ROR2: variants seen among roughly 807,000 people sequenced by gnomAD.
ROR2 encodes the protein ROR family WNT receptor 2.
Under a neutral mutation model 74.9 loss-of-function variants are expected in ROR2, and 33 were observed. The ratio of observed to expected loss-of-function variants is 0.44; its 90% CI spans 0.33 to 0.59. The LOEUF (loss-of-function observed/expected upper bound fraction) is 0.59, where lower values mean the gene tolerates loss of function less well. Among genes scored for constraint, ROR2 ranks in the 20% least tolerant of loss-of-function variants. ROR2 has a pLI of 0.02. For synonymous variants in ROR2, 586 were observed against 558.7 expected, an observed-to-expected ratio of 1.05 and a Z score of -0.69; for missense variants, 1,216 against 1,313.8, an observed-to-expected ratio of 0.93 and a Z score of 1.15.
intron 1 of ROR2, among the ~76,000 whole-genome samples, chr9:91,810,471 C>T (rs906757560): frequency 4.6e-5 from 7 of 152,098 alleles, no homozygotes; most frequent in Non-Finnish European, 1.0e-4. Context: ...TTGTAAGACA[C>T]GATCATCTAC....
intron 1 of ROR2, among the ~76,000 whole-genome samples, chr9:91,949,243 G>A (rs1247356880): frequency 6.6e-6 from 1 of 151,852 alleles, no homozygotes; most frequent in Non-Finnish European, 1.5e-5. Context: ...GGGGAGAGGA[G>A]GTTTCAGGGA....
At chr9:91,848,863 T>C (rs996992494) in intron 1 of ROR2, among the ~76,000 whole-genome samples, 4 of 151,992 alleles carry the variant, frequency 2.6e-5, no homozygotes, top group Non-Finnish European at 5.9e-5. Context: ...GTTTATACTA[T>C]TATCCAGGTA....
At chr9:91,745,812 T>C (rs571797987) in intron 4 of ROR2, among the ~76,000 whole-genome samples, 1 of 152,308 alleles carries the variant, frequency 6.6e-6, no homozygotes, top group South Asian at 2.1e-4. Context: ...TTGTATCACA[T>C]AACCTTAAAT....
intron 4 of ROR2, among the ~76,000 whole-genome samples, chr9:91,754,259 A>G (rs1825671980): frequency 6.6e-6 from 1 of 150,506 alleles, no homozygotes; most frequent in Non-Finnish European, 1.5e-5. Flanking sequence ...TTGTATAATT[A>G]TAGCTCTGTA....
chr9:91,937,610 A>AC (rs1831736575), intron 1 of ROR2, among the ~76,000 whole-genome samples: 1 of 151,738 alleles, frequency 6.6e-6, no homozygotes. Flanking sequence ...CAGCAGCCCG[A>AC]CTCACTTGTT....
At chr9:91,918,284 T>A (rs116234035) in intron 1 of ROR2, among the ~76,000 whole-genome samples, 2,573 of 148,070 alleles carry the variant, frequency 0.017, 84 homozygotes, top group African/African-American at 0.061. Flanking sequence ...AAAAAAGAAG[T>A]TGTTGAAGGG....
rs115635179 is a variant in ROR2, at chr9:91,840,309, T to C, written c.98-64491A>G. On this transcript the variant is annotated intron_variant, in intron 1 of 8. Coordinates refer to ENST00000375708, the MANE Select transcript of ROR2 (RefSeq NM_004560.4). ...CTTTCTCTTTCTAACCTTCTCTTCT[T>C]ATGAATGAGGAAACCTGTAGTTCTG... 2.6e-3 allele frequency among the ~76,000 whole-genome samples: 398 copies of C among 152,278 alleles called. 1 individual carries two copies. Among genetic ancestry groups the C allele is most frequent in the African/African-American group, 9.0e-3 (374 of 41,564 alleles).
chr9:91,877,588 T>C (rs1265976916), intron 1 of ROR2, among the ~76,000 whole-genome samples: 4 of 152,238 alleles, frequency 2.6e-5, no homozygotes, highest in Non-Finnish European at 5.9e-5. Context: ...TATTAGGTGT[T>C]GCCAGACAAC....
intron 1 of ROR2, among the ~76,000 whole-genome samples, chr9:91,840,699 G>A (rs1828756447): frequency 6.6e-6 from 1 of 152,218 alleles, no homozygotes; most frequent in Admixed American, 6.5e-5. Context: ...CAAGACAGGT[G>A]AGGCGGTGAT....
At chr9:91,796,430 C>T (rs1311399095) in intron 1 of ROR2, among the ~76,000 whole-genome samples, 1 of 134,728 alleles carries the variant, frequency 7.4e-6, no homozygotes. Context: ...GAGACCTTGT[C>T]CCAAGGAAAA....
chr9:91,949,932 G>T lies in ROR2; in HGVS notation c.32C>A (p.Pro11Gln). MARGSALPRR[P>Q]LLCIPAVWAA... The stretch of plus-strand genomic sequence containing the variant: ...CCAGACGGCCGGGATGCACAGCAGC[G>T]GCCGCCGCGGGAGCGCCGAGCCCCG... Residue 11 changes from proline (P) to glutamine (Q), a missense_variant, in exon 1 of 9, where the codon CCG becomes CAG. Coordinates refer to ENST00000375708, the MANE Select transcript of ROR2 (RefSeq NM_004560.4). The T allele has an allele frequency of 2.0e-6, 3 of 1,518,800 alleles. No homozygotes were observed. Among genetic ancestry groups the T allele is most frequent in the South Asian group, 1.2e-5 (1 of 81,986 alleles). 94.1% of individuals were successfully genotyped at this position (1,518,800 alleles called of 1,614,324 possible). A position where few individuals can be genotyped will look rare whatever the true frequency, so the allele number is the denominator to read the frequency against.
chr9:91,769,833 C>G (rs74886238), intron 2 of ROR2, among the ~76,000 whole-genome samples: 1 of 152,182 alleles, frequency 6.6e-6, no homozygotes, highest in Non-Finnish European at 1.5e-5. Context: ...TAGAAAGACA[C>G]TCAGAGAGCC....
intron 1 of ROR2, among the ~76,000 whole-genome samples, chr9:91,818,246 A>G (rs1828010234): frequency 6.6e-6 from 1 of 152,230 alleles, no homozygotes; most frequent in African/African-American, 2.4e-5. Context: ...AGAACTGCAA[A>G]TTAGTAACTT....
intron 7 of ROR2, among the ~76,000 whole-genome samples, chr9:91,728,726 C>A (rs749807791): frequency 1.3e-5 from 2 of 152,226 alleles, no homozygotes; most frequent in Non-Finnish European, 2.9e-5. Flanking sequence ...CCACCACACC[C>A]GGCCTAAATG....
intron 1 of ROR2, among the ~76,000 whole-genome samples, chr9:91,931,741 A>G (rs887055971): frequency 6.6e-6 from 1 of 152,342 alleles, no homozygotes; most frequent in Admixed American, 6.5e-5. Context: ...TGCAGAAGAA[A>G]TAAAATTGAG....
At chr9:91,885,046 A>C (rs1403072726) in intron 1 of ROR2, among the ~76,000 whole-genome samples, 6 of 152,144 alleles carry the variant, frequency 3.9e-5, no homozygotes, top group African/African-American at 1.2e-4. Context: ...TGTGTGGCTC[A>C]CGAACCCCAC....
chr9:91,878,934 C>G (rs1216078513), intron 1 of ROR2, among the ~76,000 whole-genome samples: 1 of 152,118 alleles, frequency 6.6e-6, no homozygotes, highest in Non-Finnish European at 1.5e-5. Context: ...CCCGGCTACT[C>G]AGGAGGCTGA....
chr9:91,730,577 C>G (rs1406338065), intron 7 of ROR2, among the ~76,000 whole-genome samples: 1 of 152,148 alleles, frequency 6.6e-6, no homozygotes, highest in Non-Finnish European at 1.5e-5. Flanking sequence ...TCTCCTGCCT[C>G]AGTCTCTTGA....
chr9:91,840,756 A>G (rs907965540), intron 1 of ROR2, among the ~76,000 whole-genome samples: 5 of 152,252 alleles, frequency 3.3e-5, no homozygotes, highest in African/African-American at 1.2e-4. Context: ...ACTGTCTCCC[A>G]GGCAGGCCTG....
Sources: allele counts gnomAD v4.1 joint callset (sites outside exome capture counted in the v4.1 genomes callset), GRCh38; gene constraint gnomAD v4.1.1; transcripts MANE v1.5; gene names NCBI Gene and HGNC (gene_info 2026-07-23, HGNC 2026-07-21).